CEP57L1: variants seen among roughly 807,000 people sequenced by gnomAD.
CEP57L1 encodes the protein centrosomal protein 57 like 1, also known as centrosomal protein CEP57L1.
CEP57L1 carries 37 observed loss-of-function variants against 61.0 expected under a neutral mutation model. That is an observed-to-expected ratio of 0.61 (90% confidence interval 0.47 to 0.80). The LOEUF (loss-of-function observed/expected upper bound fraction) is 0.80, where lower values mean the gene tolerates loss of function less well. Among genes scored for constraint, CEP57L1 ranks in the 30% least tolerant of loss-of-function variants. CEP57L1 has a pLI of 0.00. For synonymous variants in CEP57L1, 137 were observed against 162.3 expected (o/e 0.84, Z 1.19); for missense variants, 422 against 524.7 (o/e 0.80, Z 1.91).
At chr6:109,145,844 G>GT (rs1486871835) in intron 2 of CEP57L1, among the ~76,000 whole-genome samples, 1 of 151,900 alleles carries the variant, frequency 6.6e-6, no homozygotes, top group Non-Finnish European at 1.5e-5. Context: ...AAATAGAAAT[G>GT]TAGGAGGATC....
intron 1 of CEP57L1, among the ~76,000 whole-genome samples, chr6:109,132,929 T>C (rs1254161539): frequency 6.6e-6 from 1 of 152,188 alleles, no homozygotes; most frequent in East Asian, 1.9e-4. Flanking sequence ...TGCTTATTTT[T>C]TCTATTGGGT....
At position 109,166,744 on chromosome 6, in the gene CEP57L1, G is replaced by A. The variant is rs886351926; in HGVS notation, c.*3774G>A. On this transcript the variant is annotated 3_prime_UTR_variant, in exon 11 of 11. Coordinates refer to ENST00000517392, the MANE Select transcript of CEP57L1 (RefSeq NM_001271852.3). ...ATTAAATAAAAATTTTACTTGTAAT[G>A]TGAGAAATCAATCTAAGGGGGGAAG... is the stretch of plus-strand genomic sequence containing the variant. 3.9e-5 allele frequency among the ~76,000 whole-genome samples: 6 copies of A among 152,124 alleles called. No individual in the cohort carries two copies. The highest frequency in any genetic ancestry group is 5.9e-5 in the Non-Finnish European group (4 of 68,026).
intron 10 of CEP57L1, 174 bp downstream of exon 10, chr6:109,160,890 T>G: frequency 2.0e-6 from 1 of 493,428 alleles, no homozygotes; most frequent in South Asian, 5.3e-5. Context: ...TGGAATAACA[T>G]GGACCTCCTA....
At chr6:109,136,577 A>AAAAC (rs1770722701) in intron 1 of CEP57L1, among the ~76,000 whole-genome samples, 1 of 150,474 alleles carries the variant, frequency 6.6e-6, no homozygotes, top group African/African-American at 2.4e-5. Context: ...AAAAAAAAAA[A>AAAAC]GATACCATTT....
intron 1 of CEP57L1, among the ~76,000 whole-genome samples, chr6:109,112,976 T>C (rs1203406000): frequency 6.6e-6 from 1 of 152,200 alleles, no homozygotes; most frequent in African/African-American, 2.4e-5. Flanking sequence ...CTGAGAGGAA[T>C]GTATATTCTG....
intron 1 of CEP57L1, among the ~76,000 whole-genome samples, chr6:109,103,295 T>A (rs894201667): frequency 6.6e-6 from 1 of 152,228 alleles, no homozygotes; most frequent in Non-Finnish European, 1.5e-5. Flanking sequence ...TTTGGCTTGT[T>A]GAAAAATGTC....
chr6:109,168,590 ATTT>A lies in CEP57L1; in HGVS notation c.*5640_*5642del, dbSNP rs72093696. 2.7e-5 allele frequency among the ~76,000 whole-genome samples: 3 copies of A among 112,054 alleles called. No individual in the cohort carries two copies. The highest frequency in any genetic ancestry group is 5.4e-5 in the Non-Finnish European group (3 of 55,128). 73.5% of individuals were successfully genotyped at this position (112,054 alleles called of 152,430 possible). A position where few individuals can be genotyped will look rare whatever the true frequency, so the allele number is the denominator to read the frequency against. On this transcript the variant is annotated 3_prime_UTR_variant, in exon 11 of 11. Transcript: ENST00000517392. ...ATCAATTTAGCGGGTCACTACCAGC[ATTT>A]TTTTTTTTTTTTTTTTTTTGAGATT...
intron 1 of CEP57L1, among the ~76,000 whole-genome samples, chr6:109,095,804 A>G (rs888516162): frequency 2.6e-5 from 4 of 152,080 alleles, no homozygotes; most frequent in Non-Finnish European, 5.9e-5. Flanking sequence ...CGGCCTAAGT[A>G]AGGCCAAGAA....
chr6:109,169,038 C>T lies in CEP57L1; in HGVS notation c.*6068C>T, dbSNP rs977837550. 2.6e-5 allele frequency among the ~76,000 whole-genome samples: 4 copies of T among 151,234 alleles called. No individual in the cohort carries two copies. The highest frequency in any genetic ancestry group is 1.3e-4 in the Admixed American group (2 of 15,206). On this transcript the variant is annotated 3_prime_UTR_variant, in exon 11 of 11. Coordinates refer to ENST00000517392, the MANE Select transcript of CEP57L1 (RefSeq NM_001271852.3). ...CTCAGGAGTTCAAGACCACCCTGGG[C>T]GACATGGTGAAATCCCATCTCTACT...
At position 109,166,009 on chromosome 6, in the gene CEP57L1, C is replaced by G. The variant is rs1774078276; in HGVS notation, c.*3039C>G. The G allele has an allele frequency of 6.6e-6, 1 of 152,160 alleles. No individual in the cohort carries two copies. The highest frequency in any genetic ancestry group is 2.4e-5 in the African/African-American group (1 of 41,438). 9.4% of individuals were successfully genotyped at this position (152,160 alleles called of 1,614,324 possible). A position where few individuals can be genotyped will look rare whatever the true frequency, so the allele number is the denominator to read the frequency against. ...AAGGCAGGTCTCAATTTTGATGAAACTGAAGCCAGAAAGTTCCAGTGTTTG... is the reference window on the plus strand; with the variant it reads ...AAGGCAGGTCTCAATTTTGATGAAAGTGAAGCCAGAAAGTTCCAGTGTTTG... On this transcript the variant is annotated 3_prime_UTR_variant, in exon 11 of 11. Transcript: ENST00000517392.
intron 1 of CEP57L1, among the ~76,000 whole-genome samples, chr6:109,111,401 A>G (rs547727776): frequency 6.6e-6 from 1 of 152,320 alleles, no homozygotes; most frequent in African/African-American, 2.4e-5. Context: ...GAAGTTGCTT[A>G]TCAGCTTAAG....
rs76767884 is a variant in CEP57L1 at position 109,151,202 on chromosome 6, A to T, written c.462+963A>T. Among the ~76,000 whole-genome samples, 1,207 of 152,316 alleles carry T rather than the reference A, an allele frequency of 7.9e-3. 20 individuals are homozygous for T. The highest frequency in any genetic ancestry group is 0.028 in the African/African-American group (1,157 of 41,570). ...GTAAAAGTACCAATCAATACTGGATATTGATGGGTCAAATACATAACAGAT... is the reference window on the plus strand; with the variant it reads ...GTAAAAGTACCAATCAATACTGGATTTTGATGGGTCAAATACATAACAGAT... On this transcript the variant is annotated intron_variant, in intron 4 of 10. Coordinates refer to ENST00000517392, the MANE Select transcript of CEP57L1 (RefSeq NM_001271852.3).
In CEP57L1 at chr6:109,174,281, A is replaced by G. The variant is rs528728221; in HGVS notation, c.*11311A>G. 7.9e-5 allele frequency among the ~76,000 whole-genome samples: 12 copies of G among 152,328 alleles called. No homozygotes were observed. The highest frequency in any genetic ancestry group is 7.2e-4 in the Admixed American group (11 of 15,296). ...TTTCTTGCAGAGGTCATAATGTTCCAGACAAGCTGGCAGCAATCATTCCCA... is the reference window on the plus strand; with the variant it reads ...TTTCTTGCAGAGGTCATAATGTTCCGGACAAGCTGGCAGCAATCATTCCCA... On this transcript the variant is annotated 3_prime_UTR_variant, in exon 11 of 11. Transcript: ENST00000517392.
At chr6:109,118,985 T>C (rs891954991) in intron 1 of CEP57L1, among the ~76,000 whole-genome samples, 1 of 152,064 alleles carries the variant, frequency 6.6e-6, no homozygotes, top group African/African-American at 2.4e-5. Context: ...AACATATAGG[T>C]ATGCACAGAG....
intron 1 of CEP57L1, among the ~76,000 whole-genome samples, chr6:109,107,368 GTT>G (rs1210758226): frequency 1.3e-5 from 2 of 151,754 alleles, no homozygotes; most frequent in East Asian, 3.9e-4. Flanking sequence ...TTAGAGGAGA[GTT>G]TTCTCTTTCA....
In CEP57L1 at chr6:109,153,729, A is replaced by G. The variant is rs185340321; in HGVS notation, c.463-104A>G. ...TGTTTGTTTATGTACATGTTTCTTA[A>G]GATATTTATATTGTGTTTTGAATTC... On this transcript the variant is annotated intron_variant, in intron 4 of 10. Coordinates refer to ENST00000517392, the MANE Select transcript of CEP57L1 (RefSeq NM_001271852.3). 2.5e-5 allele frequency: 18 copies of G among 731,938 alleles called. No homozygotes were observed. In the Admixed American group the frequency reaches 3.8e-4, roughly 15 times the overall value. The allele number at this position is 731,938 out of a possible 1,614,324, so 45.3% of individuals were successfully genotyped here.
At chr6:109,132,568 T>C (rs554855351) in intron 1 of CEP57L1, among the ~76,000 whole-genome samples, 1 of 152,364 alleles carries the variant, frequency 6.6e-6, no homozygotes, top group Non-Finnish European at 1.5e-5. Context: ...TTCTTAATAA[T>C]GTATTTCCTG....
Position 109,167,001 on chromosome 6 carries a change from A to T in CEP57L1, c.*4031A>T, listed in dbSNP as rs185949424. 1.8e-4 allele frequency among the ~76,000 whole-genome samples: 27 copies of T among 152,342 alleles called. No homozygotes were observed. Among genetic ancestry groups the T allele is most frequent in the Admixed American group, 3.9e-4 (6 of 15,298 alleles). On this transcript the variant is annotated 3_prime_UTR_variant, in exon 11 of 11. Coordinates refer to ENST00000517392, the MANE Select transcript of CEP57L1 (RefSeq NM_001271852.3). ...CAACCTTCACTAAGGCATAATAGCA[A>T]CTGTGAGATTTTTAAAAAACTATGC...
Position 109,163,224 on chromosome 6 carries a change from C to A in CEP57L1, c.*254C>A. The A allele has an allele frequency of 3.1e-6, 1 of 318,540 alleles. No individual in the cohort carries two copies. The highest frequency in any genetic ancestry group is 5.8e-6 in the Non-Finnish European group (1 of 173,474). 19.7% of individuals were successfully genotyped at this position (318,540 alleles called of 1,614,324 possible). The stretch of plus-strand genomic sequence containing the variant: ...TGTCTTAGAAACATTGTTGGCTTTG[C>A]AGATATCTTAAGCTAAATTTAAGAA... On this transcript the variant is annotated 3_prime_UTR_variant, in exon 11 of 11. Transcript: ENST00000517392.
Sources: allele counts gnomAD v4.1 joint callset (sites outside exome capture counted in the v4.1 genomes callset), GRCh38; gene constraint gnomAD v4.1.1; transcripts MANE v1.5; gene names NCBI Gene and HGNC (gene_info 2026-07-23, HGNC 2026-07-21).